Variants in VGLL4 observed in about 807,000 individuals in gnomAD.
VGLL4 encodes vestigial like family member 4, also known as transcription cofactor vestigial-like protein 4.
Under a neutral mutation model 21.0 loss-of-function variants are expected in VGLL4, and 7 were observed. The observed-to-expected ratio is 0.33, with a 90% CI of 0.19 to 0.63. The LOEUF (loss-of-function observed/expected upper bound fraction) is 0.63. Among genes scored for constraint, VGLL4 ranks in the 20% least tolerant of loss-of-function variants. VGLL4 has a pLI of 0.78. For synonymous variants in VGLL4, 222 were observed against 173.2 expected, an observed-to-expected ratio of 1.28 and a Z score of -2.21; for missense variants, 394 against 425.7, an observed-to-expected ratio of 0.93 and a Z score of 0.66.
chr3:11,601,712 A>G, intron 2 of VGLL4, 121 bp downstream of exon 2: 1 of 1,232,938 alleles, frequency 8.1e-7, no homozygotes, highest in Non-Finnish European at 1.1e-6. Flanking sequence ...TTCTTTTGTA[A>G]ATAATATCCT....
chr3:11,717,991 G>GTT (rs67326896), intron 1 of VGLL4, among the ~76,000 whole-genome samples: 10,026 of 152,194 alleles, frequency 0.066, 494 homozygotes, highest in Admixed American at 0.16. Flanking sequence ...ACCCAGAGCT[G>GTT]TTTTTACTAC....
intron 2 of VGLL4, among the ~76,000 whole-genome samples, chr3:11,567,665 A>G (rs959355595): frequency 1.4e-4 from 22 of 152,180 alleles, no homozygotes; most frequent in Non-Finnish European, 2.6e-4. Context: ...GATCCCAGAC[A>G]CCGATGTCAC....
At chr3:11,635,575 C>T (rs1174038441) in intron 1 of VGLL4, among the ~76,000 whole-genome samples, 3 of 152,218 alleles carry the variant, frequency 2.0e-5, no homozygotes, top group South Asian at 2.1e-4. Context: ...GAACCAAATA[C>T]TGTATGCACT....
downstream of VGLL4, chr3:11,556,067 T>G (rs1559839502): frequency 6.5e-6 from 1 of 152,752 alleles, no homozygotes; most frequent in African/African-American, 2.4e-5. Context: ...ACGTACACTA[T>G]GTGGTTTAAG....
chr3:11,590,773 C>T (rs1479268957), intron 2 of VGLL4, among the ~76,000 whole-genome samples: 2 of 151,820 alleles, frequency 1.3e-5, no homozygotes, highest in African/African-American at 2.4e-5. Context: ...CTAAAAACTA[C>T]ACCAGATACA....
At chr3:11,582,904 C>T (rs1395878731) in intron 2 of VGLL4, among the ~76,000 whole-genome samples, 1 of 152,172 alleles carries the variant, frequency 6.6e-6, no homozygotes, top group Non-Finnish European at 1.5e-5. Context: ...AGAGGCTTTT[C>T]TCTTAGGACT....
chr3:11,558,764 T>C lies in VGLL4; in HGVS notation c.683A>G (p.Lys228Arg), dbSNP rs757493212. The change falls in exon 5 of 5, where the codon AAG becomes AGG. Residue 228 changes from lysine to arginine, a missense_variant. Transcript: ENST00000430365. ...HFRRSLGKNYKEPEPAPNSVS... is the reference protein window; with the variant it reads ...HFRRSLGKNYREPEPAPNSVS... ...GGAGTTGGGTGCCGGCTCGGGCTCC[T>C]TGTAATTCTTGCCCAGGCTCCTGCG... The C allele has an allele frequency of 1.7e-5, 28 of 1,614,102 alleles. No homozygotes were observed. The highest frequency in any genetic ancestry group is 2.0e-5 in the Non-Finnish European group (24 of 1,180,034).
At chr3:11,606,292 A>G (rs1041746463) in intron 1 of VGLL4, among the ~76,000 whole-genome samples, 14 of 152,248 alleles carry the variant, frequency 9.2e-5, no homozygotes, top group Non-Finnish European at 1.6e-4. Flanking sequence ...CTACAATTCA[A>G]GATGAGATTG....
Position 11,643,447 on chromosome 3 carries a change from C to G in VGLL4, c.72G>C (p.Leu24=), listed in dbSNP as rs746958665. The part of the protein sequence containing the change: ...LDKMNNNIGI[L]CYEGEAALRG... ...CAACGGGACATCTACCTTCGTAGCA[C>G]AGAATGCCGATATTGTTGTTCATCT... The change falls in exon 1 of 5, where the codon CTG becomes CTC. Residue 24 remains leucine, a synonymous_variant. Coordinates refer to ENST00000430365, the MANE Select transcript of VGLL4 (RefSeq NM_001128219.3). 1.7e-5 allele frequency: 27 copies of G among 1,614,008 alleles called. No homozygotes were observed. Among genetic ancestry groups the G allele is most frequent in the Middle Eastern group, 1.6e-4 (1 of 6,062 alleles).
At position 11,616,690 on chromosome 3, in the gene VGLL4, T is replaced by C. The variant is rs150923308; in HGVS notation, c.83-14668A>G. On this transcript the variant is annotated intron_variant, in intron 1 of 4. Coordinates refer to ENST00000430365, the MANE Select transcript of VGLL4 (RefSeq NM_001128219.3). ...TCCTGTCTAAAGAATGTATACAATT[T>C]AGGACTGGCAGAAAAAAAATCAGAG... 4.5e-3 allele frequency among the ~76,000 whole-genome samples: 685 copies of C among 152,328 alleles called. 4 individuals are homozygous for C. Among genetic ancestry groups the C allele is most frequent in the Middle Eastern group, 0.01 (3 of 294 alleles).
rs1248820773 is a variant in VGLL4 at position 11,661,465 on chromosome 3, C to CTATT, written c.64+41502_64+41505dup. On this transcript the variant is annotated intron_variant, in intron 2 of 5. Transcript: ENST00000273038. ...TTTATTTATTTATTTATTTATTTAT[C>CTATT]TATTTATTTATTTATTTATTTTTGA... is the stretch of plus-strand genomic sequence containing the variant. Among the ~76,000 whole-genome samples, 99 of 37,834 alleles carry CTATT rather than the reference C, an allele frequency of 2.6e-3. 1 individual carries two copies. In the East Asian group the frequency reaches 0.038, roughly 15 times the overall value. 24.8% of individuals were successfully genotyped at this position (37,834 alleles called of 152,430 possible). A position where few individuals can be genotyped will look rare whatever the true frequency, so the allele number is the denominator to read the frequency against.
At chr3:11,714,869 C>T (rs2076897104) in intron 1 of VGLL4, among the ~76,000 whole-genome samples, 1 of 152,088 alleles carries the variant, frequency 6.6e-6, no homozygotes, top group Non-Finnish European at 1.5e-5. Context: ...GGCGCAGTGG[C>T]TCACGCCTGT....
At chr3:11,702,515 G>T (rs1239812847) in intron 2 of VGLL4, among the ~76,000 whole-genome samples, 1 of 148,882 alleles carries the variant, frequency 6.7e-6, no homozygotes, top group East Asian at 2.0e-4. Flanking sequence ...TGTAATCCCA[G>T]CTACTTGGGA....
intron 1 of VGLL4, among the ~76,000 whole-genome samples, chr3:11,622,142 C>A (rs1196045492): frequency 7.9e-5 from 12 of 152,188 alleles, no homozygotes. Context: ...TTCAGAGGTA[C>A]CAACAAGAAA....
At chr3:11,592,234 G>T (rs1404265489) in intron 2 of VGLL4, among the ~76,000 whole-genome samples, 2 of 152,236 alleles carry the variant, frequency 1.3e-5, no homozygotes, top group African/African-American at 2.4e-5. Flanking sequence ...TTTAGGCTAA[G>T]GTTACTATTG....
At chr3:11,687,883 C>G (rs1247415584) in intron 2 of VGLL4, among the ~76,000 whole-genome samples, 1 of 152,126 alleles carries the variant, frequency 6.6e-6, no homozygotes, top group Non-Finnish European at 1.5e-5. Context: ...TTGTGTCTTG[C>G]TCCTAACTTA....
intron 2 of VGLL4, among the ~76,000 whole-genome samples, chr3:11,692,136 G>C (rs923033139): frequency 3.3e-5 from 5 of 152,152 alleles, no homozygotes; most frequent in East Asian, 1.9e-4. Flanking sequence ...TTGTTTAAAG[G>C]AAACAGTCAC....
At chr3:11,583,265 G>A (rs1160057033) in intron 2 of VGLL4, among the ~76,000 whole-genome samples, 7 of 152,078 alleles carry the variant, frequency 4.6e-5, no homozygotes, top group Non-Finnish European at 1.0e-4. Flanking sequence ...TAAACCAGAG[G>A]TTCTAATTAT....
intron 1 of VGLL4, among the ~76,000 whole-genome samples, chr3:11,606,017 A>G (rs2074933239): frequency 6.6e-6 from 1 of 152,202 alleles, no homozygotes; most frequent in Non-Finnish European, 1.5e-5. Flanking sequence ...CATACCCGAG[A>G]CTGGGTAATT....
Sources: allele counts gnomAD v4.1 joint callset (sites outside exome capture counted in the v4.1 genomes callset), GRCh38; gene constraint gnomAD v4.1.1; transcripts MANE v1.5; gene names NCBI Gene and HGNC (gene_info 2026-07-23, HGNC 2026-07-21).